TNXB: variants seen among roughly 807,000 people sequenced by gnomAD.
TNXB encodes tenascin-X.
A neutral mutation model predicts 340.5 loss-of-function variants in TNXB; 183 were observed. The ratio of observed to expected loss-of-function variants is 0.54; its 90% CI spans 0.48 to 0.61. The LOEUF (loss-of-function observed/expected upper bound fraction) is 0.61, where lower values mean the gene tolerates loss of function less well. TNXB is among the 20% of genes least tolerant of loss of function. TNXB has a pLI of 0.00. For missense variants in TNXB, 4,613 were observed against 5,446.4 expected (o/e 0.85, Z 4.82); for synonymous variants, 2,121 against 2,314.5 (o/e 0.92, Z 2.40).
rs1009249530 is a variant in TNXB at position 32,047,490 on chromosome 6, C to T, written c.10324+244G>A. On this transcript the variant is annotated intron_variant, in intron 30 of 43. Coordinates refer to ENST00000644971, the MANE Select transcript of TNXB (RefSeq NM_001365276.2). This position sits in a 1 kb window ranked among gnomAD's most constrained non-coding sequence, Gnocchi z 6.2. ...ACCCTGGCAAAGGCTAGGACTGGAA[C>T]TGGAACACAGATCTGCTGGCCCCAA... Among the ~76,000 whole-genome samples the T allele has an allele frequency of 3.9e-5, 6 of 152,220 alleles. No individual in the cohort carries two copies. Among genetic ancestry groups the T allele is most frequent in the African/African-American group, 1.4e-4 (6 of 41,446 alleles).
In TNXB at chr6:32,067,183, G is replaced by GAAAGA. The variant is rs1554321340; in HGVS notation, c.6544+477_6544+478insTCTTT. On this transcript the variant is annotated intron_variant, in intron 18 of 43. Coordinates refer to ENST00000644971, the MANE Select transcript of TNXB (RefSeq NM_001365276.2). This position sits in a 1 kb window ranked among gnomAD's most constrained non-coding sequence, Gnocchi z 4.2. ...AGAAAGAAAGAAAGAAAGAAAGAAA[G>GAAAGA]AAAACATTCTAGTGATTCTAGTGGA... is the stretch of plus-strand genomic sequence containing the variant. 6.6e-6 allele frequency among the ~76,000 whole-genome samples: 1 copy of GAAAGA among 150,618 alleles called. No individual in the cohort carries two copies. The highest frequency in any genetic ancestry group is 2.1e-4 in the South Asian group (1 of 4,676).
In TNXB at chr6:32,053,099, C is replaced by G. The variant is rs1332935514; in HGVS notation, c.8792-106G>C. The stretch of plus-strand genomic sequence containing the variant: ...TGGCCATGAGTGGGGGTCCTGGGGT[C>G]AGCTTGGAGAGGCCCATCTTTGGAG... On this transcript the variant is annotated intron_variant, in intron 25 of 43. Transcript: ENST00000644971. 6.2e-6 allele frequency: 8 copies of G among 1,289,920 alleles called. No homozygotes were observed. The East Asian group carries it at 1.7e-4, about 27-fold the overall frequency. 79.9% of individuals were successfully genotyped at this position (1,289,920 alleles called of 1,614,324 possible).
rs143384650 is a variant in TNXB at position 32,089,120 on chromosome 6, T to C, written c.2516-72A>G. The C allele has an allele frequency of 0.019, 30,172 of 1,581,196 alleles. 648 individuals are homozygous for C. The highest frequency in any genetic ancestry group is 0.021 in the Middle Eastern group (127 of 5,938). On this transcript the variant is annotated intron_variant, in intron 5 of 43. Coordinates refer to ENST00000644971, the MANE Select transcript of TNXB (RefSeq NM_001365276.2). This position sits in a 1 kb window ranked among gnomAD's most constrained non-coding sequence, Gnocchi z 6.2. ...ATCATCATCTTTCCTTCCAAGAGCC[T>C]AGCCCCCATCCAGCCCCTTCCTTCT... is the stretch of plus-strand genomic sequence containing the variant.
In TNXB at chr6:32,058,477, A is replaced by C. The variant is rs756410117; in HGVS notation, c.7493-87T>G. ...GCTGTCAACAGAGGTCATACATCAA[A>C]TGTGCCCCTCCAGAGCAGGCTGAGG... On this transcript the variant is annotated intron_variant, in intron 21 of 43. Transcript: ENST00000644971. This position sits in a 1 kb window ranked among gnomAD's most constrained non-coding sequence, Gnocchi z 5.1. 657 of 1,180,446 alleles carry C rather than the reference A, an allele frequency of 5.6e-4. 1 individual carries two copies. Among genetic ancestry groups the C allele is most frequent in the Non-Finnish European group, 7.4e-4 (636 of 853,844 alleles). The allele number at this position is 1,180,446 out of a possible 1,614,324, so 73.1% of individuals were successfully genotyped here.
In TNXB at chr6:32,084,572, A is replaced by C; in HGVS notation, c.3286T>G (p.Tyr1096Asp). ...EGEFDSFVIQ[Y>D]KDRDGQPQVV... ...TGGGGCTGCCCGTCCCTGTCTTTGT[A>C]CTGGATCACGAAGGAGTCAAACTCG... Residue 1096 changes from tyrosine (Y) to aspartate (D), a missense_variant, in exon 8 of 44, where the codon TAC (tyrosine) becomes GAC (aspartate). This residue lies in a region of TNXB where 4,327 missense variants were observed against 4,859.4 expected (regional missense o/e 0.89). Coordinates refer to ENST00000644971, the MANE Select transcript of TNXB (RefSeq NM_001365276.2). The surrounding 1 kb of genome is among the most constrained non-coding windows in gnomAD (Gnocchi z 5.5). 3.1e-6 allele frequency: 5 copies of C among 1,608,726 alleles called. No individual in the cohort carries two copies. The South Asian group carries it at 5.5e-5, about 18-fold the overall frequency.
rs754996110 is a variant in TNXB, at chr6:32,064,833, C to A, written c.6829G>T (p.Val2277Phe). Residue 2277 changes from valine to phenylalanine, a missense_variant, in exon 19 of 44, where the codon GTT (valine) becomes TTT (phenylalanine). By Grantham distance (50) the Val-to-Phe change is conservative. Coordinates refer to ENST00000644971, the MANE Select transcript of TNXB (RefSeq NM_001365276.2). This position sits in a 1 kb window ranked among gnomAD's most constrained non-coding sequence, Gnocchi z 5.3. ...ACTGCACACTCACCAGTTAAACCAACAGCAGACACGGGGCCCACGCGCTGG... is the reference window on the plus strand; with the variant it reads ...ACTGCACACTCACCAGTTAAACCAAAAGCAGACACGGGGCCCACGCGCTGG... ...GGQRVGPVSA[V>F]GLTAPGKDEE... 1 of 1,610,206 alleles carries A rather than the reference C, an allele frequency of 6.2e-7. No individual in the cohort carries two copies. Among genetic ancestry groups the A allele is most frequent in the South Asian group, 1.1e-5 (1 of 90,784 alleles).
rs562358966 is a variant in TNXB, at chr6:32,103,802, C to T, written c.-9+5379G>A. ...CTGGAGTGCAGTGGCACGATCTTGG[C>T]TCAATGCAACCTCTGCCTCCTGGGG... On this transcript the variant is annotated intron_variant, in intron 1 of 43. Transcript: ENST00000644971. Among the ~76,000 whole-genome samples the T allele has an allele frequency of 1.2e-4, 17 of 146,978 alleles. No homozygotes were observed. The East Asian group carries it at 3.4e-3, about 30-fold the overall frequency.
chr6:32,053,137 G>A (rs1777399644), intron 25 of TNXB, 144 bp from the exon 26 acceptor site: 1 of 1,121,538 alleles, frequency 8.9e-7, no homozygotes, highest in African/African-American at 1.6e-5. Context: ...GGGTGGTCTT[G>A]CTCAGTTTAC....
rs368659112 is a variant in TNXB at position 32,083,955 on chromosome 6, C to G, written c.3445+458G>C. Among the ~76,000 whole-genome samples, 1 of 152,226 alleles carries G rather than the reference C, an allele frequency of 6.6e-6. No individual in the cohort carries two copies. The highest frequency in any genetic ancestry group is 2.4e-5 in the African/African-American group (1 of 41,442). ...GGGATTATAGGCAGGATCAACCCTG[C>G]TAGCCTTTACCAGCTCTTAACTCAC... is the stretch of plus-strand genomic sequence containing the variant. On this transcript the variant is annotated intron_variant, in intron 8 of 43. Transcript: ENST00000644971. The surrounding 1 kb of genome is among the most constrained non-coding windows in gnomAD (Gnocchi z 4.6).
At position 32,048,440 on chromosome 6, in the gene TNXB, G is replaced by T. The variant is rs767727460; in HGVS notation, c.9968C>A (p.Ala3323Asp). Residue 3323 changes from alanine (A) to aspartate (D), a missense_variant, in exon 29 of 44, where the codon GCC becomes GAC. Physicochemically the swap from Ala to Asp is moderately radical, Grantham distance 126. Coordinates refer to ENST00000644971, the MANE Select transcript of TNXB (RefSeq NM_001365276.2). ...RAVAVSGLDP[A>D]RKYKFLLFGL... is the part of the protein sequence containing the mutation. Reference sequence around the variant, plus strand: ...AAAGAGCAGGAACTTGTACTTGCGGGCCGGGTCCAGCCCCGAGACGGCGAC... The same window carrying T: ...AAAGAGCAGGAACTTGTACTTGCGGTCCGGGTCCAGCCCCGAGACGGCGAC... The T allele has an allele frequency of 1.3e-6, 2 of 1,576,130 alleles. No homozygotes were observed. The highest frequency in any genetic ancestry group is 1.2e-5 in the South Asian group (1 of 86,518).
In TNXB at chr6:32,103,812, C is replaced by T. The variant is rs374201795; in HGVS notation, c.-9+5369G>A. On this transcript the variant is annotated intron_variant, in intron 1 of 43. Transcript: ENST00000644971. ...GTGGCACGATCTTGGCTCAATGCAA[C>T]CTCTGCCTCCTGGGGTTCAAGTGAT... Among the ~76,000 whole-genome samples the T allele has an allele frequency of 1.9e-4, 28 of 149,046 alleles. No homozygotes were observed. In the East Asian group the frequency reaches 5.0e-3, roughly 27 times the overall value.
In TNXB at chr6:32,097,597, T is replaced by G; in HGVS notation, c.404-148A>C. 1 of 1,146,514 alleles carries G rather than the reference T, an allele frequency of 8.7e-7. No individual in the cohort carries two copies. 71.0% of individuals were successfully genotyped at this position (1,146,514 alleles called of 1,614,324 possible). On this transcript the variant is annotated intron_variant, in intron 2 of 43. Coordinates refer to ENST00000644971, the MANE Select transcript of TNXB (RefSeq NM_001365276.2). This position sits in a 1 kb window ranked among gnomAD's most constrained non-coding sequence, Gnocchi z 5.9. ...CCCAGTTGCTAGTATGTGTAATGTA[T>G]GCAGCCTCTCAGGGCCCTCGCATAT...
rs1777178059 is a variant in TNXB, at chr6:32,050,100, C to T, written c.9337G>A (p.Val3113Ile). Residue 3113 changes from valine (V) to isoleucine (I), a missense_variant, in exon 27 of 44, where the codon GTC becomes ATC. By Grantham distance (29) the Val-to-Ile change is conservative (BLOSUM62 3). Coordinates refer to ENST00000644971, the MANE Select transcript of TNXB (RefSeq NM_001365276.2). ...TCTGGCTCCAGGCCTGAGATGGTGA[C>T]CCCGTCCTCGTGCCCCGGCACCCGC... ...AVRVPGHEDGVTISGLEPDHK... is the reference protein window; with the variant it reads ...AVRVPGHEDGITISGLEPDHK... 4 of 1,613,632 alleles carry T rather than the reference C, an allele frequency of 2.5e-6. No individual in the cohort carries two copies. Among genetic ancestry groups the T allele is most frequent in the Non-Finnish European group, 3.4e-6 (4 of 1,179,904 alleles).
Position 32,096,801 on chromosome 6 carries a change from C to T in TNXB, c.1052G>A (p.Arg351His). ...SCPWDCGEGG[R>H]CVDGRCVCWP... ...GCACACGCAGCGGCCGTCCACGCAG[C>T]GCCCGCCCTCGCCACAGTCCCAGGG... is the stretch of plus-strand genomic sequence containing the variant. The change falls in exon 3 of 44, where the codon CGC becomes CAC. Residue 351 changes from arginine to histidine, a missense_variant. Arg to His is a conservative substitution (Grantham distance 29). Coordinates refer to ENST00000644971, the MANE Select transcript of TNXB (RefSeq NM_001365276.2). The T allele has an allele frequency of 6.3e-7, 1 of 1,586,074 alleles. No individual in the cohort carries two copies. The highest frequency in any genetic ancestry group is 8.6e-7 in the Non-Finnish European group (1 of 1,167,530).
In TNXB at chr6:32,073,688, T is replaced by A; in HGVS notation, c.4640A>T (p.Asp1547Val). The change falls in exon 12 of 44, where the codon GAT becomes GTT. Residue 1547 changes from aspartate (D) to valine (V), a missense_variant. By Grantham distance (152) the Asp-to-Val change is radical. Around this residue, in one of 7 missense-constraint regions of TNXB, gnomAD observed 4,327 missense variants for 4,859.4 expected, o/e 0.89. Coordinates refer to ENST00000644971, the MANE Select transcript of TNXB (RefSeq NM_001365276.2). The surrounding 1 kb of genome is among the most constrained non-coding windows in gnomAD (Gnocchi z 4.6). ...AGACAGGGGGCCCATGCGTTGCCCA[T>A]CATGTAGTCCATACATGTTCATCTT... is the stretch of plus-strand genomic sequence containing the variant. ...KYKMNMYGLHDGQRMGPLSVV... is the reference protein window; with the variant it reads ...KYKMNMYGLHVGQRMGPLSVV... 6.2e-7 allele frequency: 1 copy of A among 1,610,054 alleles called. No individual in the cohort carries two copies. Among genetic ancestry groups the A allele is most frequent in the Non-Finnish European group, 8.5e-7 (1 of 1,178,786 alleles).
intron 1 of TNXB, among the ~76,000 whole-genome samples, chr6:32,104,641 TTC>T (rs1289593133): frequency 9.3e-4 from 142 of 152,222 alleles, no homozygotes; most frequent in Non-Finnish European, 1.6e-3. Flanking sequence ...TGCTTTTTTT[TTC>T]TTTTTTTTTG....
Position 32,047,909 on chromosome 6 carries a change from G to A in TNXB, c.10149C>T (p.Asp3383=). Residue 3383 remains aspartate (D), a synonymous_variant, in exon 30 of 44, where the codon GAC becomes GAT. Transcript: ENST00000644971. The surrounding 1 kb of genome is among the most constrained non-coding windows in gnomAD (Gnocchi z 6.2). ...LSWTVPEGEF[D]SFVVQYKDKD... ...TATCCTTGTACTGGACCACGAAGGA[G>A]TCGAATTCGCCCTCAGGGACCGTCC... is the stretch of plus-strand genomic sequence containing the variant. 1 of 1,612,768 alleles carries A rather than the reference G, an allele frequency of 6.2e-7. No individual in the cohort carries two copies. The highest frequency in any genetic ancestry group is 8.5e-7 in the Non-Finnish European group (1 of 1,179,736).
At chr6:32,077,760 C>T (rs1189959818) in intron 11 of TNXB, among the ~76,000 whole-genome samples, 1 of 152,254 alleles carries the variant, frequency 6.6e-6, no homozygotes. Context: ...GGCGTGGTGG[C>T]TTATGCCTAT....
Position 32,097,315 on chromosome 6 carries a change from G to A in TNXB, c.538C>T (p.Pro180Ser). The change falls in exon 3 of 44, where the codon CCA becomes TCA. Residue 180 changes from proline to serine, a missense_variant. This residue lies in a region of TNXB where 4,327 missense variants were observed against 4,859.4 expected (regional missense o/e 0.89). Transcript: ENST00000644971. This position sits in a 1 kb window ranked among gnomAD's most constrained non-coding sequence, Gnocchi z 5.9. ...GGGCAGGACCCCGAGGCTGAGGGTGGGGAAGAGGGAGGGATCTCAGCATCT... is the reference window on the plus strand; with the variant it reads ...GGGCAGGACCCCGAGGCTGAGGGTGAGGAAGAGGGAGGGATCTCAGCATCT... ...PTDAEIPPSS[P>S]PSASGSCPDD... 6.2e-7 allele frequency: 1 copy of A among 1,613,638 alleles called. No individual in the cohort carries two copies. The highest frequency in any genetic ancestry group is 8.5e-7 in the Non-Finnish European group (1 of 1,179,838).
Sources: gnomAD v4.1 joint callset for allele counts (sites outside exome capture counted in the v4.1 genomes callset) on GRCh38, gnomAD v4.1.1 for gene constraint, gnomAD v4.1.1 regional missense constraint, Gnocchi (gnomAD v3.1) non-coding constraint, MANE v1.5 for transcripts, NCBI Gene and HGNC (gene_info 2026-07-23, HGNC 2026-07-21) for gene names.